Variants in SEMA5A observed in about 807,000 individuals in gnomAD.
SEMA5A encodes the protein semaphorin 5A.
Under a neutral mutation model 135.5 loss-of-function variants are expected in SEMA5A, and 55 were observed. The ratio of observed to expected loss-of-function variants is 0.41; its 90% CI spans 0.33 to 0.51. SEMA5A has a LOEUF of 0.51. Ranked by LOEUF, SEMA5A falls within the 20% of genes least tolerant of loss-of-function variation. SEMA5A has a pLI of 0.37. For synonymous variants in SEMA5A, 580 were observed against 546.5 expected (o/e 1.06, Z -0.85); for missense variants, 1,290 against 1,419.9 (o/e 0.91, Z 1.47).
intron 5 of SEMA5A, among the ~76,000 whole-genome samples, chr5:9,311,877 G>C (rs1752153382): frequency 6.6e-6 from 1 of 152,136 alleles, no homozygotes; most frequent in Non-Finnish European, 1.5e-5. Context: ...TAGAGAGGCA[G>C]GTGGCAAATT....
At chr5:9,181,697 G>A (rs1391084708) in intron 11 of SEMA5A, among the ~76,000 whole-genome samples, 1 of 152,156 alleles carries the variant, frequency 6.6e-6, no homozygotes, top group Non-Finnish European at 1.5e-5. Context: ...TTCCTCTGAG[G>A]TCCGGAAGGG....
intron 13 of SEMA5A, among the ~76,000 whole-genome samples, chr5:9,132,767 A>G (rs1741504348): frequency 6.6e-6 from 1 of 152,204 alleles, no homozygotes; most frequent in South Asian, 2.1e-4. Context: ...ACCATCATCA[A>G]TATTCCTGTA....
intron 2 of SEMA5A, among the ~76,000 whole-genome samples, chr5:9,430,318 G>T (rs1338326674): frequency 6.6e-6 from 1 of 152,224 alleles, no homozygotes. Flanking sequence ...TAGACATCCA[G>T]TTGTGAGGTT....
At chr5:9,472,528 C>T (rs997939266) in intron 1 of SEMA5A, among the ~76,000 whole-genome samples, 2 of 152,192 alleles carry the variant, frequency 1.3e-5, no homozygotes, top group Non-Finnish European at 2.9e-5. Flanking sequence ...ATCCTTAGCT[C>T]AGTCTGGGGC....
intron 11 of SEMA5A, among the ~76,000 whole-genome samples, chr5:9,166,805 A>G (rs970582532): frequency 3.3e-5 from 5 of 152,230 alleles, no homozygotes; most frequent in African/African-American, 1.2e-4. Context: ...ACTCTCATCT[A>G]ACCCACAGCT....
At chr5:9,424,888 G>A (rs1211141811) in intron 2 of SEMA5A, among the ~76,000 whole-genome samples, 1 of 152,120 alleles carries the variant, frequency 6.6e-6, no homozygotes, top group African/African-American at 2.4e-5. Context: ...ATCTGTGAGA[G>A]CTTCAAGCTG....
At chr5:9,060,288 A>G (rs1476592549) in intron 18 of SEMA5A, among the ~76,000 whole-genome samples, 2 of 152,236 alleles carry the variant, frequency 1.3e-5, no homozygotes, top group Non-Finnish European at 2.9e-5. Context: ...AACTAAAATG[A>G]GAGCAACCAA....
chr5:9,434,370 A>T (rs1757959298), intron 2 of SEMA5A, among the ~76,000 whole-genome samples: 1 of 152,102 alleles, frequency 6.6e-6, no homozygotes, highest in African/African-American at 2.4e-5. Context: ...TTATAGTTGA[A>T]TTTTCCTCTT....
chr5:9,457,353 T>C (rs1465104098), intron 1 of SEMA5A, among the ~76,000 whole-genome samples: 7 of 152,230 alleles, frequency 4.6e-5, no homozygotes, highest in Non-Finnish European at 1.5e-5. Context: ...TTCTGTTGTT[T>C]TTTGTTTTGT....
intron 1 of SEMA5A, among the ~76,000 whole-genome samples, chr5:9,506,169 A>C (rs571597914): frequency 5.9e-4 from 90 of 152,310 alleles, no homozygotes; most frequent in African/African-American, 2.1e-3. Flanking sequence ...TAGTTGCAAA[A>C]GTTTTAATTT....
chr5:9,066,650 G>C lies in SEMA5A; in HGVS notation c.2074-4C>G. ...TGGTGTTGCAAGACTGGTACTCCTG[G>C]GGAGAATGCGCAGACGAGTGTTACT... On this transcript the variant is annotated splice_polypyrimidine_tract_variant and splice_region_variant and intron_variant, in intron 16 of 22. Coordinates refer to ENST00000382496, the MANE Select transcript of SEMA5A (RefSeq NM_003966.3). 2 of 1,613,298 alleles carry C rather than the reference G, an allele frequency of 1.2e-6. No individual in the cohort carries two copies. The highest frequency in any genetic ancestry group is 2.2e-5 in the East Asian group (1 of 44,860).
chr5:9,323,315 T>C (rs1752712239), intron 4 of SEMA5A, among the ~76,000 whole-genome samples: 1 of 152,236 alleles, frequency 6.6e-6, no homozygotes, highest in African/African-American at 2.4e-5. Context: ...ATTTAAATCA[T>C]TTCCTGAGAA....
intron 5 of SEMA5A, among the ~76,000 whole-genome samples, chr5:9,267,732 C>T (rs1749757084): frequency 6.6e-6 from 1 of 152,056 alleles, no homozygotes; most frequent in South Asian, 2.1e-4. Context: ...TAAAAAGACA[C>T]ATCTGAGATC....
chr5:9,254,936 T>G (rs1748985435), intron 5 of SEMA5A, among the ~76,000 whole-genome samples: 2 of 152,152 alleles, frequency 1.3e-5, no homozygotes, highest in African/African-American at 4.8e-5. Flanking sequence ...TAAGGCTGAA[T>G]GCACTGTAAG....
At chr5:9,107,464 C>T (rs994178758) in intron 16 of SEMA5A, among the ~76,000 whole-genome samples, 13 of 152,106 alleles carry the variant, frequency 8.5e-5, no homozygotes, top group East Asian at 1.9e-4. Flanking sequence ...AGGGTGTGTC[C>T]GGTTCATCCC....
At position 9,202,111 on chromosome 5, in the gene SEMA5A, C is replaced by T; in HGVS notation, c.776G>A (p.Gly259Asp). ...RAARVCKNDI[G>D]GRFLLEDTWT... ...GGTGTCTTCCAGCAGGAAGCGCCCA[C>T]CAATATCGTTCTTGCACACCCGGGC... Residue 259 changes from glycine to aspartate, a missense_variant, in exon 9 of 23, where the codon GGT becomes GAT. By Grantham distance (94) the Gly-to-Asp change is moderately conservative. Coordinates refer to ENST00000382496, the MANE Select transcript of SEMA5A (RefSeq NM_003966.3). The T allele has an allele frequency of 6.2e-7, 1 of 1,614,172 alleles. No homozygotes were observed. The highest frequency in any genetic ancestry group is 8.5e-7 in the Non-Finnish European group (1 of 1,180,020).
rs547133264 is a variant in SEMA5A at position 9,055,975 on chromosome 5, A to G, written c.2519-1718T>C. Among the ~76,000 whole-genome samples the G allele has an allele frequency of 2.6e-3, 395 of 152,230 alleles. 1 individual carries two copies. The highest frequency in any genetic ancestry group is 9.1e-3 in the African/African-American group (380 of 41,540). On this transcript the variant is annotated intron_variant, in intron 18 of 22. Transcript: ENST00000382496. Reference sequence around the variant, plus strand: ...TTTGTAACCTAAATTGGAGCTTGGCATCAGTGAGTACCCTTGCATGCCCCA... The same window carrying G: ...TTTGTAACCTAAATTGGAGCTTGGCGTCAGTGAGTACCCTTGCATGCCCCA...
At chr5:9,058,542 G>A (rs1481979777) in intron 18 of SEMA5A, among the ~76,000 whole-genome samples, 2 of 152,184 alleles carry the variant, frequency 1.3e-5, no homozygotes, top group Non-Finnish European at 2.9e-5. Flanking sequence ...TTGATAAAAT[G>A]AAATTTATAC....
chr5:9,498,973 C>T (rs1031891501), intron 1 of SEMA5A, among the ~76,000 whole-genome samples: 3 of 152,154 alleles, frequency 2.0e-5, no homozygotes, highest in Non-Finnish European at 4.4e-5. Flanking sequence ...CTATAAGGAA[C>T]GTAATGAAAA....
Sources: gnomAD v4.1 joint callset for allele counts (sites outside exome capture counted in the v4.1 genomes callset) on GRCh38, gnomAD v4.1.1 for gene constraint, MANE v1.5 for transcripts, NCBI Gene and HGNC (gene_info 2026-07-23, HGNC 2026-07-21) for gene names.